The following NUP98 variants were observed in gnomAD, a reference collection of about 807,000 sequenced individuals.
The protein encoded by NUP98 is nucleoporin 98 and 96 precursor, also known as nuclear pore complex protein Nup98-Nup96.
Under a neutral mutation model 191.9 loss-of-function variants are expected in NUP98, and 26 were observed. That is an observed-to-expected ratio of 0.14 (90% confidence interval 0.10 to 0.19). The LOEUF (loss-of-function observed/expected upper bound fraction) is 0.19. NUP98 is among the 10% of genes least tolerant of loss of function. The pLI, the probability that NUP98 is intolerant of heterozygous loss-of-function variation, is 1.00. For synonymous variants in NUP98, 808 were observed against 778.4 expected (o/e 1.04, Z -0.63); for missense variants, 1,941 against 2,178.8 (o/e 0.89, Z 2.17).
At chr11:3,787,448 T>A (rs931024508) in intron 1 of NUP98, among the ~76,000 whole-genome samples, 1 of 152,004 alleles carries the variant, frequency 6.6e-6, no homozygotes, top group African/African-American at 2.4e-5. Context: ...CCAGAAGCGG[T>A]GGCGCATGCC....
Position 3,731,470 on chromosome 11 carries a change from T to C in NUP98, c.1651A>G (p.Thr551Ala), listed in dbSNP as rs1464877132. The C allele has an allele frequency of 1.5e-5, 24 of 1,608,550 alleles. No individual in the cohort carries two copies. The highest frequency in any genetic ancestry group is 1.9e-5 in the Non-Finnish European group (22 of 1,177,286). ...AAGAGATGTGACTTGGCTGTGCCTG[T>C]TGTTTGTAAAGCCTTTGGCCGGACT... ...TRVRPKALQT[T>A]GTAKSHLFDG... Residue 551 changes from threonine (T) to alanine (A), a missense_variant, in exon 14 of 33, where the codon ACA becomes GCA. Thr to Ala is a moderately conservative substitution (Grantham distance 58, BLOSUM62 0). This residue lies in a region of NUP98 where 453 missense variants were observed against 438.2 expected (regional missense o/e 1.03). Transcript: ENST00000324932.
In NUP98 at chr11:3,741,585, C is replaced by G. The variant is rs1272912519; in HGVS notation, c.1408+2924G>C. The stretch of plus-strand genomic sequence containing the variant: ...GAAGTGAGCCGAGATCGCGCCACTG[C>G]ACTCCAGCTTGGGTGACAGTGCGAA... On this transcript the variant is annotated intron_variant, in intron 12 of 32. Coordinates refer to ENST00000324932, the MANE Select transcript of NUP98 (RefSeq NM_016320.5). Among the ~76,000 whole-genome samples, 4 of 152,066 alleles carry G rather than the reference C, an allele frequency of 2.6e-5. No homozygotes were observed. The South Asian group carries it at 8.3e-4, about 32-fold the overall frequency.
intron 1 of NUP98, among the ~76,000 whole-genome samples, chr11:3,793,151 A>G (rs1345045957): frequency 6.6e-6 from 1 of 152,224 alleles, no homozygotes; most frequent in African/African-American, 2.4e-5. Flanking sequence ...GTAGTGTCAA[A>G]GAGCAGTTAG....
At chr11:3,791,182 A>G (rs995389142) in intron 1 of NUP98, among the ~76,000 whole-genome samples, 1 of 152,050 alleles carries the variant, frequency 6.6e-6, no homozygotes, top group African/African-American at 2.4e-5. Flanking sequence ...GGCGTGAGCC[A>G]CTGCGCCCCG....
chr11:3,681,644 G>A (rs999366047), intron 30 of NUP98, among the ~76,000 whole-genome samples: 4 of 152,000 alleles, frequency 2.6e-5, no homozygotes, highest in African/African-American at 9.7e-5. Context: ...TTCAACAGTG[G>A]GCTTAAAGTA....
chr11:3,749,080 G>A (rs1261177696), intron 11 of NUP98, among the ~76,000 whole-genome samples: 4 of 141,208 alleles, frequency 2.8e-5, no homozygotes, highest in South Asian at 2.3e-4. Context: ...AGGCCGAGGC[G>A]GGTGGATCAT....
chr11:3,792,175 T>C (rs1235464587), intron 1 of NUP98, among the ~76,000 whole-genome samples: 1 of 59,380 alleles, frequency 1.7e-5, no homozygotes, highest in Admixed American at 3.1e-4. Flanking sequence ...TGAAACTCCA[T>C]CTCAAAAAAA....
intron 26 of NUP98, among the ~76,000 whole-genome samples, chr11:3,693,697 G>A (rs1236915903): frequency 6.6e-6 from 1 of 152,104 alleles, no homozygotes; most frequent in Non-Finnish European, 1.5e-5. Flanking sequence ...CTGGTCCCAG[G>A]ATTTAATCAA....
chr11:3,766,235 CA>C (rs2081334720), intron 8 of NUP98, among the ~76,000 whole-genome samples: 1 of 152,004 alleles, frequency 6.6e-6, no homozygotes, highest in Non-Finnish European at 1.5e-5. Context: ...ATTAGCTGGA[CA>C]TGGTGGTGCA....
rs573322665 is a variant in NUP98 at position 3,731,451 on chromosome 11, T to C, written c.1670A>G (p.His557Arg). Residue 557 changes from histidine (H) to arginine (R), a missense_variant, in exon 14 of 33, where the codon CAT (histidine) becomes CGT (arginine). His to Arg is a conservative substitution (Grantham distance 29). Around this residue, in one of 6 missense-constraint regions of NUP98, gnomAD observed 453 missense variants for 438.2 expected, o/e 1.03. Transcript: ENST00000324932. The part of the protein sequence containing the change: ...ALQTTGTAKS[H>R]LFDGLDDDEP... ...ATCGTCATCCAGCCCATCAAAGAGA[T>C]GTGACTTGGCTGTGCCTGTTGTTTG... The C allele has an allele frequency of 1.9e-6, 3 of 1,607,640 alleles. No individual in the cohort carries two copies. The South Asian group carries it at 3.4e-5, about 18-fold the overall frequency.
chr11:3,735,352 A>G, intron 12 of NUP98, 28 bp from the exon 13 acceptor site: 1 of 795,620 alleles, frequency 1.3e-6, no homozygotes, highest in Non-Finnish European at 1.6e-6. Context: ...AGAAAACAAA[A>G]TATATATATA....
intron 28 of NUP98, among the ~76,000 whole-genome samples, chr11:3,691,013 G>C (rs1589965952): frequency 6.6e-6 from 1 of 150,544 alleles, no homozygotes; most frequent in Admixed American, 6.6e-5. Flanking sequence ...ATAGGTATCT[G>C]ACTGATTGCA....
chr11:3,758,177 C>T (rs1589895241), intron 10 of NUP98, among the ~76,000 whole-genome samples: 1 of 151,218 alleles, frequency 6.6e-6, no homozygotes, highest in South Asian at 2.1e-4. Flanking sequence ...AAAAATTAGC[C>T]GGGGGTGGTG....
rs2078825529 is a variant in NUP98 at position 3,705,267 on chromosome 11, A to G, written c.3015T>C (p.Thr1005=). 1 of 1,614,204 alleles carries G rather than the reference A, an allele frequency of 6.2e-7. No individual in the cohort carries two copies. Among genetic ancestry groups the G allele is most frequent in the Non-Finnish European group, 8.5e-7 (1 of 1,180,020 alleles). Residue 1005 remains threonine (T), a synonymous_variant, in exon 22 of 33, where the codon ACT becomes ACC. Coordinates refer to ENST00000324932, the MANE Select transcript of NUP98 (RefSeq NM_016320.5). ...GTCTGGGAGAACAGATTTCTTGAGA[A>G]GTATCTGCTTTGGAAGGCAGGCGAC... The part of the protein sequence containing the change: ...RFSRLPSKAD[T]SQEICSPRLP...
chr11:3,713,386 A>G (rs2079078427), intron 19 of NUP98, among the ~76,000 whole-genome samples: 3 of 152,238 alleles, frequency 2.0e-5, no homozygotes, highest in African/African-American at 7.2e-5. Flanking sequence ...GGAGTGAATC[A>G]TAATGTATCT....
chr11:3,709,122 G>C (rs1239467175), intron 20 of NUP98, among the ~76,000 whole-genome samples: 1 of 152,178 alleles, frequency 6.6e-6, no homozygotes, highest in East Asian at 1.9e-4. Flanking sequence ...TCATTCAACA[G>C]AGTGAATGAC....
At chr11:3,728,732 C>G (rs963195109) in intron 14 of NUP98, among the ~76,000 whole-genome samples, 1 of 151,962 alleles carries the variant, frequency 6.6e-6, no homozygotes, top group African/African-American at 2.4e-5. Context: ...CAGCAAGACT[C>G]CATCTCAAAA....
At chr11:3,791,663 T>C (rs2082356182) in intron 1 of NUP98, among the ~76,000 whole-genome samples, 1 of 148,730 alleles carries the variant, frequency 6.7e-6, no homozygotes, top group Non-Finnish European at 1.5e-5. Context: ...ACCAACATGA[T>C]GAAACCCTGT....
chr11:3,785,199 A>C (rs867871912), intron 1 of NUP98, among the ~76,000 whole-genome samples: 10 of 152,168 alleles, frequency 6.6e-5, no homozygotes, highest in Admixed American at 2.6e-4. Context: ...AAAAAAAAAC[A>C]ACCAAAAAAC....
Sources: gnomAD v4.1 joint callset for allele counts (sites outside exome capture counted in the v4.1 genomes callset) on GRCh38, gnomAD v4.1.1 for gene constraint, gnomAD v4.1.1 regional missense constraint, MANE v1.5 for transcripts, NCBI Gene and HGNC (gene_info 2026-07-23, HGNC 2026-07-21) for gene names.